PCDHGB3: variants seen among roughly 807,000 people sequenced by gnomAD.
PCDHGB3 encodes protocadherin gamma-B3.
Under a neutral mutation model 59.2 loss-of-function variants are expected in PCDHGB3, and 40 were observed. That is an observed-to-expected ratio of 0.68 (90% CI 0.52 to 0.88). The LOEUF (loss-of-function observed/expected upper bound fraction) is 0.88. Ranked by LOEUF, PCDHGB3 falls within the 40% of genes least tolerant of loss-of-function variation. The probability of loss-of-function intolerance (pLI) is 0.00; values close to 1 mark genes in which losing one functional copy is unlikely to be tolerated. For synonymous variants in PCDHGB3, 581 were observed against 503.6 expected, an observed-to-expected ratio of 1.15 and a Z score of -2.06; for missense variants, 1,309 against 1,187.9, an observed-to-expected ratio of 1.10 and a Z score of -1.50.
At chr5:141,421,783 A>G in intron 1 of PCDHGB3, 1 of 1,613,882 alleles carries the variant, frequency 6.2e-7, no homozygotes, top group East Asian at 2.2e-5. Flanking sequence ...ACTGCGGGGC[A>G]GAACGGATGG....
intron 2 of PCDHGB3, among the ~76,000 whole-genome samples, chr5:141,503,568 C>T (rs1357099545): frequency 6.9e-6 from 1 of 144,390 alleles, no homozygotes; most frequent in Non-Finnish European, 1.5e-5. Context: ...CACTGTACTC[C>T]AGCCTGGGTG....
chr5:141,487,377 C>T lies in PCDHGB3; in HGVS notation c.2416-7430C>T, dbSNP rs758216933. Reference sequence around the variant, plus strand: ...CCTGCTGGCACCTGTGCCTGTCTCACCAGATCTCGAAGGAGGGAGGGGCTT... The same window carrying T: ...CCTGCTGGCACCTGTGCCTGTCTCATCAGATCTCGAAGGAGGGAGGGGCTT... On this transcript the variant is annotated intron_variant, in intron 1 of 3. Transcript: ENST00000576222. The surrounding 1 kb of genome is among the most constrained non-coding windows in gnomAD (Gnocchi z 5.0). 6.2e-7 allele frequency: 1 copy of T among 1,614,190 alleles called. No homozygotes were observed. Among genetic ancestry groups the T allele is most frequent in the Non-Finnish European group, 8.5e-7 (1 of 1,180,034 alleles).
intron 1 of PCDHGB3, chr5:141,418,101 G>A (rs965772298): frequency 3.7e-6 from 6 of 1,614,082 alleles, no homozygotes; most frequent in Non-Finnish European, 5.1e-6. Flanking sequence ...GACGCGCAGA[G>A]CGGGGACTTA....
In PCDHGB3 at chr5:141,485,804, G is replaced by C; in HGVS notation, c.2416-9003G>C. 6.2e-7 allele frequency: 1 copy of C among 1,614,218 alleles called. No homozygotes were observed. The highest frequency in any genetic ancestry group is 1.3e-5 in the African/African-American group (1 of 75,060). The stretch of plus-strand genomic sequence containing the variant: ...AGAGAAGCAATCGGACTACCGCCTG[G>C]TGCTGACTGCTGTCGATGGAGGGAA... On this transcript the variant is annotated intron_variant, in intron 1 of 3. Coordinates refer to ENST00000576222, the MANE Select transcript of PCDHGB3 (RefSeq NM_018924.5). This position sits in a 1 kb window ranked among gnomAD's most constrained non-coding sequence, Gnocchi z 5.7.
At chr5:141,449,876 C>T (rs924666805) in intron 1 of PCDHGB3, among the ~76,000 whole-genome samples, 1 of 151,724 alleles carries the variant, frequency 6.6e-6, no homozygotes, top group African/African-American at 2.4e-5. Context: ...AATTTAACAT[C>T]AATGCAATAT....
intron 1 of PCDHGB3, chr5:141,422,014 C>A: frequency 6.2e-7 from 1 of 1,610,158 alleles, no homozygotes; most frequent in Non-Finnish European, 8.5e-7. Flanking sequence ...AACTCGGGTG[C>A]TGATGGTTAA....
intron 1 of PCDHGB3, chr5:141,420,445 T>C: frequency 9.6e-7 from 1 of 1,044,750 alleles, no homozygotes; most frequent in Non-Finnish European, 1.3e-6. Context: ...AATGCCTCAG[T>C]CTTCCTACTA....
chr5:141,460,388 G>T (rs1425099375), intron 1 of PCDHGB3, among the ~76,000 whole-genome samples: 1 of 151,774 alleles, frequency 6.6e-6, no homozygotes, highest in East Asian at 1.9e-4. Context: ...TTATAATTTG[G>T]TCTATGAATC....
intron 1 of PCDHGB3, chr5:141,399,951 C>A (rs749264259): frequency 6.2e-7 from 1 of 1,612,120 alleles, no homozygotes; most frequent in Non-Finnish European, 8.5e-7. Flanking sequence ...TGCAGGCTAG[C>A]GAGCCCGGGC....
At chr5:141,415,015 A>C (rs2095814085) in intron 1 of PCDHGB3, 1 of 1,613,598 alleles carries the variant, frequency 6.2e-7, no homozygotes, top group East Asian at 2.2e-5. Flanking sequence ...CCGTCTGCTC[A>C]AGGCCAGCGA....
At chr5:141,481,732 T>G (rs549671056) in intron 1 of PCDHGB3, among the ~76,000 whole-genome samples, 33 of 151,884 alleles carry the variant, frequency 2.2e-4, no homozygotes, top group Non-Finnish European at 4.3e-4. Context: ...GGCGGGCGGA[T>G]CACGAGGTCA....
rs529787438 is a variant in PCDHGB3 at position 141,470,330 on chromosome 5, G to A, written c.2416-24477G>A. Among the ~76,000 whole-genome samples the A allele has an allele frequency of 3.3e-4, 50 of 152,144 alleles. 1 individual carries two copies. The highest frequency in any genetic ancestry group is 1.1e-3 in the African/African-American group (47 of 41,498). ...TTTTCCTCAAATGATCCCATAATTT[G>A]ACCTTAGGAAGCTGTTCAAATAGAC... On this transcript the variant is annotated intron_variant, in intron 1 of 3. Coordinates refer to ENST00000576222, the MANE Select transcript of PCDHGB3 (RefSeq NM_018924.5).
intron 1 of PCDHGB3, chr5:141,402,883 G>A (rs1418475947): frequency 6.7e-7 from 1 of 1,483,116 alleles, no homozygotes; most frequent in South Asian, 1.4e-5. Flanking sequence ...ACTTTGCAGG[G>A]TGGAAGAAAG....
intron 1 of PCDHGB3, chr5:141,390,092 G>A (rs1469999630): frequency 1.9e-6 from 3 of 1,613,918 alleles, no homozygotes; most frequent in African/African-American, 2.7e-5. Context: ...CCGAATCCGT[G>A]GTTCCCCCCA....
At chr5:141,408,687 T>C (rs1394182828) in intron 1 of PCDHGB3, 3 of 1,613,928 alleles carry the variant, frequency 1.9e-6, no homozygotes, top group East Asian at 2.2e-5. Flanking sequence ...GATCCTGATA[T>C]AAACATAAAC....
At chr5:141,462,627 A>T (rs1200455153) in intron 1 of PCDHGB3, among the ~76,000 whole-genome samples, 1 of 150,276 alleles carries the variant, frequency 6.7e-6, no homozygotes, top group East Asian at 1.9e-4. Flanking sequence ...TAGAAGTTCC[A>T]TTTGACTCTT....
chr5:141,439,171 C>T (rs948650584), intron 1 of PCDHGB3, among the ~76,000 whole-genome samples: 3 of 146,478 alleles, frequency 2.0e-5, no homozygotes, highest in Non-Finnish European at 3.0e-5. Context: ...CCAGCCTGGG[C>T]GACATAGTGA....
In PCDHGB3 at chr5:141,490,291, C is replaced by T; in HGVS notation, c.2416-4516C>T. 6.2e-7 allele frequency: 1 copy of T among 1,614,212 alleles called. No homozygotes were observed. Among genetic ancestry groups the T allele is most frequent in the Non-Finnish European group, 8.5e-7 (1 of 1,180,048 alleles). On this transcript the variant is annotated intron_variant, in intron 1 of 3. Transcript: ENST00000576222. The surrounding 1 kb of genome is among the most constrained non-coding windows in gnomAD (Gnocchi z 5.4). ...TGTCAATGACAATGCCCCAGAGGTG[C>T]TATTGGCCTCTTTGGCCAACCCTGT...
At chr5:141,450,006 C>CTT (rs1554136305) in intron 1 of PCDHGB3, among the ~76,000 whole-genome samples, 6 of 132,984 alleles carry the variant, frequency 4.5e-5, no homozygotes, top group East Asian at 2.2e-4. Flanking sequence ...TGCCATGTCT[C>CTT]TTTTTTTTTT....
Sources: allele counts gnomAD v4.1 joint callset (sites outside exome capture counted in the v4.1 genomes callset), GRCh38; gene constraint gnomAD v4.1.1; non-coding constraint Gnocchi (gnomAD v3.1); transcripts MANE v1.5; gene names NCBI Gene and HGNC (gene_info 2026-07-23, HGNC 2026-07-21).